PLSCR1: variants seen among roughly 807,000 people sequenced by gnomAD.
PLSCR1 encodes the protein PL scramblase 1.
A neutral mutation model predicts 37.8 loss-of-function variants in PLSCR1; 17 were observed. The ratio of observed to expected loss-of-function variants is 0.45; its 90% CI spans 0.31 to 0.68. PLSCR1 has a LOEUF of 0.68. PLSCR1 is among the 30% of genes least tolerant of loss of function. PLSCR1 has a pLI of 0.06. For missense variants in PLSCR1, 347 were observed against 380.9 expected, an observed-to-expected ratio of 0.91 and a Z score of 0.74; for synonymous variants, 116 against 125.9, an observed-to-expected ratio of 0.92 and a Z score of 0.53.
At chr3:146,522,524 A>G (rs145939085) in intron 5 of PLSCR1, among the ~76,000 whole-genome samples, 1 of 136,106 alleles carries the variant, frequency 7.3e-6, no homozygotes, top group Non-Finnish European at 1.6e-5. Flanking sequence ...CCACTCCCTA[A>G]TCTCAAGTAC....
intron 3 of PLSCR1, among the ~76,000 whole-genome samples, chr3:146,532,658 T>C (rs547719981): frequency 1.8e-4 from 28 of 152,336 alleles, no homozygotes; most frequent in African/African-American, 6.7e-4. Context: ...AGTGGGTACA[T>C]CCTTCTATCC....
At position 146,520,054 on chromosome 3, in the gene PLSCR1, C is replaced by CT. The variant is rs80204759; in HGVS notation, c.738+1489dup. 3.3e-5 allele frequency: 5 copies of CT among 152,076 alleles called. No homozygotes were observed. In the East Asian group the frequency reaches 9.7e-4, roughly 29 times the overall value. 9.4% of individuals were successfully genotyped at this position (152,076 alleles called of 1,614,324 possible). The stretch of plus-strand genomic sequence containing the variant: ...TGACACCCTGGTGGATTTCATGTTC[C>CT]TTAGTGGTCCCTCATACTGATAATT... On this transcript the variant is annotated intron_variant, in intron 7 of 8. Transcript: ENST00000342435.
At chr3:146,535,358 G>C (rs1016411048) in intron 2 of PLSCR1, among the ~76,000 whole-genome samples, 1 of 152,122 alleles carries the variant, frequency 6.6e-6, no homozygotes, top group South Asian at 2.1e-4. Flanking sequence ...GCATTCCAGG[G>C]GGAATTCATA....
At chr3:146,528,426 A>G in intron 4 of PLSCR1, 188 bp downstream of exon 4, 1 of 599,630 alleles carries the variant, frequency 1.7e-6, no homozygotes, top group Non-Finnish European at 3.0e-6. Context: ...AACAGAAAAT[A>G]CAATTTTCTA....
chr3:146,542,513 T>G (rs1303007305), intron 1 of PLSCR1, among the ~76,000 whole-genome samples: 3 of 152,240 alleles, frequency 2.0e-5, no homozygotes, highest in African/African-American at 7.2e-5. Context: ...ATGATTATGT[T>G]GGACTTCCTA....
chr3:146,528,910 T>C (rs1168473990), intron 3 of PLSCR1, 79 bp from the exon 4 acceptor site: 1 of 983,956 alleles, frequency 1.0e-6, no homozygotes, highest in African/African-American at 1.6e-5. Context: ...ATGCCATCTA[T>C]CTATAAGTTG....
At chr3:146,518,907 A>T (rs899601340) in intron 7 of PLSCR1, among the ~76,000 whole-genome samples, 2 of 152,336 alleles carry the variant, frequency 1.3e-5, no homozygotes, top group Admixed American at 1.3e-4. Flanking sequence ...GTGCAATACT[A>T]ATTGGTAAAA....
intron 2 of PLSCR1, among the ~76,000 whole-genome samples, chr3:146,535,306 A>G (rs1265661014): frequency 2.6e-5 from 4 of 152,038 alleles, no homozygotes; most frequent in African/African-American, 9.7e-5. Flanking sequence ...TGAGCTCACA[A>G]TCTCTGGGCT....
Position 146,533,549 on chromosome 3 carries a change from G to T in PLSCR1, c.15C>A (p.Asn5Lys), listed in dbSNP as rs1219145714. The change falls in exon 3 of 9, where the codon AAC becomes AAA. Residue 5 changes from asparagine (N) to lysine (K), a missense_variant and splice_region_variant. By Grantham distance (94) the Asn-to-Lys change is moderately conservative. Transcript: ENST00000342435. ...CCGGGTGAGAAGCATTCATCTGTGAGTCTGCAATTCAAGGAGAGGTAAATA... is the reference window on the plus strand; with the variant it reads ...CCGGGTGAGAAGCATTCATCTGTGATTCTGCAATTCAAGGAGAGGTAAATA... MDKQ[N>K]SQMNASHPET... is the part of the protein sequence containing the mutation. 1.3e-6 allele frequency: 2 copies of T among 1,592,542 alleles called. No homozygotes were observed. Among genetic ancestry groups the T allele is most frequent in the Non-Finnish European group, 8.6e-7 (1 of 1,162,852 alleles).
chr3:146,538,797 A>G (rs1235540495), intron 1 of PLSCR1, among the ~76,000 whole-genome samples: 2 of 152,174 alleles, frequency 1.3e-5, no homozygotes, highest in African/African-American at 4.8e-5. Context: ...TACATCTGAA[A>G]TAGAAAATAT....
Position 146,528,723 on chromosome 3 carries a change from A to ACT in PLSCR1, c.201_202dup (p.Val68GlufsTer27). ...CTGATTATATACTGGCTGATTATACACTGGCTGATTTGGGACAGGAAAGCC... is the reference window on the plus strand; with the variant it reads ...CTGATTATATACTGGCTGATTATACACTCTGGCTGATTTGGGACAGGAAAGCC... On this transcript the variant is annotated frameshift_variant, in exon 4 of 9. Transcript: ENST00000342435. LOFTEE classifies it high-confidence loss of function. 6.2e-7 allele frequency: 1 copy of ACT among 1,614,064 alleles called. No homozygotes were observed. Among genetic ancestry groups the ACT allele is most frequent in the East Asian group, 2.2e-5 (1 of 44,890 alleles).
At chr3:146,517,276 T>G in intron 7 of PLSCR1, 109 bp from the exon 8 acceptor site, 1 of 533,032 alleles carries the variant, frequency 1.9e-6, no homozygotes, top group Non-Finnish European at 3.2e-6. Context: ...ATGCACCATA[T>G]GTAACCCTCA....
At chr3:146,542,312 C>A (rs1003858867) in intron 1 of PLSCR1, among the ~76,000 whole-genome samples, 2 of 152,118 alleles carry the variant, frequency 1.3e-5, no homozygotes, top group East Asian at 1.9e-4. Context: ...CGTCTATAGA[C>A]TAGTTGATTT....
chr3:146,516,476 C>A, intron 8 of PLSCR1: 1 of 184,580 alleles, frequency 5.4e-6, no homozygotes. Flanking sequence ...ATGGACTAGT[C>A]CTTGGAGTTT....
intron 1 of PLSCR1, chr3:146,538,000 G>C (rs1169041387): frequency 6.6e-6 from 1 of 152,144 alleles, no homozygotes; most frequent in Admixed American, 6.5e-5. Context: ...ACATACTCAA[G>C]AAGTTCAGCA....
Position 146,536,528 on chromosome 3 carries a change from T to C in PLSCR1, c.13+12A>G. On this transcript the variant is annotated intron_variant, in intron 2 of 8. Coordinates refer to ENST00000342435, the MANE Select transcript of PLSCR1 (RefSeq NM_021105.3). ...TAAGGAGGAAAGTAAACATTTAAAA[T>C]AAATTACTTACTTTGTTTGTCCATG... 2 of 1,300,074 alleles carry C rather than the reference T, an allele frequency of 1.5e-6. No individual in the cohort carries two copies. The highest frequency in any genetic ancestry group is 2.2e-6 in the Non-Finnish European group (2 of 894,242). The allele number at this position is 1,300,074 out of a possible 1,614,324, so 80.5% of individuals were successfully genotyped here.
rs764221505 is a variant in PLSCR1, at chr3:146,528,740, A to T, written c.186T>A (p.Pro62=). The change falls in exon 4 of 9, where the codon CCT becomes CCA. Residue 62 remains proline, a synonymous_variant. Coordinates refer to ENST00000342435, the MANE Select transcript of PLSCR1 (RefSeq NM_021105.3). ...GATTATACACTGGCTGATTTGGGAC[A>T]GGAAAGCCAGCTGGGCCAGGACCTG... The part of the protein sequence containing the change: ...GHSGPGPAGF[P]VPNQPVYNQP... The T allele has an allele frequency of 3.1e-6, 5 of 1,614,198 alleles. No individual in the cohort carries two copies. In the East Asian group the frequency reaches 1.1e-4, roughly 36 times the overall value.
At position 146,516,185 on chromosome 3, in the gene PLSCR1, A is replaced by G. The variant is rs553744406; in HGVS notation, c.901-84T>C. 1.7e-4 allele frequency: 127 copies of G among 733,644 alleles called. No individual in the cohort carries two copies. The African/African-American group carries it at 2.0e-3, about 11-fold the overall frequency. The allele number at this position is 733,644 out of a possible 1,614,324, so 45.4% of individuals were successfully genotyped here. On this transcript the variant is annotated intron_variant, in intron 8 of 8. Transcript: ENST00000342435. ...CAGATGCAGAAATACTAAGGGATCT[A>G]GTGAAACACAGTAACAAATCTGTTA...
chr3:146,524,495 T>G lies in PLSCR1; in HGVS notation c.355+1110A>C, dbSNP rs377595711. 4.6e-5 allele frequency among the ~76,000 whole-genome samples: 7 copies of G among 152,058 alleles called. No individual in the cohort carries two copies. In the East Asian group the frequency reaches 1.2e-3, roughly 25 times the overall value. On this transcript the variant is annotated intron_variant, in intron 5 of 8. Transcript: ENST00000342435. ...TAAGCATAATTAAAAACTGTTAGAT[T>G]TGGAACTTTCTATTTCATAATTAAC... is the stretch of plus-strand genomic sequence containing the variant.
Sources: gnomAD v4.1 joint callset for allele counts (sites outside exome capture counted in the v4.1 genomes callset) on GRCh38, gnomAD v4.1.1 for gene constraint, MANE v1.5 for transcripts, NCBI Gene and HGNC (gene_info 2026-07-23, HGNC 2026-07-21) for gene names.